LPGAT1: variants seen among roughly 807,000 people sequenced by gnomAD.
LPGAT1 encodes the protein lysophosphatidylglycerol acyltransferase 1, also known as acyl-CoA:lysophosphatidylglycerol acyltransferase 1.
A neutral mutation model predicts 47.5 loss-of-function variants in LPGAT1; 11 were observed. The ratio of observed to expected loss-of-function variants is 0.23; its 90% CI spans 0.15 to 0.38. LPGAT1 has a LOEUF of 0.38. Among genes scored for constraint, LPGAT1 ranks in the 10% least tolerant of loss-of-function variants. The pLI, the probability that LPGAT1 is intolerant of heterozygous loss-of-function variation, is 1.00. For missense variants in LPGAT1, 293 were observed against 439.0 expected (o/e 0.67, Z 2.97); for synonymous variants, 138 against 144.2 (o/e 0.96, Z 0.31).
At chr1:211,763,311 G>A (rs767899887) in intron 6 of LPGAT1, among the ~76,000 whole-genome samples, 15 of 152,162 alleles carry the variant, frequency 9.9e-5, no homozygotes, top group Non-Finnish European at 2.2e-4. Flanking sequence ...GGATTAATGA[G>A]TTATCAATGG....
chr1:211,759,798 C>T (rs12022627), intron 6 of LPGAT1, among the ~76,000 whole-genome samples: 4,651 of 152,244 alleles, frequency 0.031, 95 homozygotes, highest in South Asian at 0.11. Flanking sequence ...TTATGCTCTA[C>T]TGATAAACAG....
intron 4 of LPGAT1, among the ~76,000 whole-genome samples, chr1:211,784,576 A>G (rs1451671980): frequency 1.3e-5 from 2 of 151,990 alleles, no homozygotes; most frequent in African/African-American, 4.8e-5. Flanking sequence ...GAAGACTTGC[A>G]GTATTCCACA....
chr1:211,803,477 G>T (rs1004085299), intron 2 of LPGAT1, among the ~76,000 whole-genome samples: 1 of 152,154 alleles, frequency 6.6e-6, no homozygotes, highest in African/African-American at 2.4e-5. Flanking sequence ...AGATGAAATT[G>T]GCAGAGTAGC....
intron 2 of LPGAT1, among the ~76,000 whole-genome samples, chr1:211,804,962 A>T (rs146212276): frequency 0.019 from 2,872 of 152,338 alleles, 38 homozygotes; most frequent in Middle Eastern, 0.058. Context: ...GAAGACTTTT[A>T]AAAATGTTCT....
At chr1:211,753,318 G>C (rs1464117100) in intron 6 of LPGAT1, among the ~76,000 whole-genome samples, 3 of 152,048 alleles carry the variant, frequency 2.0e-5, no homozygotes, top group African/African-American at 7.2e-5. Flanking sequence ...CCTCGAACTT[G>C]GTTGATAGTT....
At chr1:211,789,958 C>T (rs1659042904) in intron 3 of LPGAT1, among the ~76,000 whole-genome samples, 1 of 151,904 alleles carries the variant, frequency 6.6e-6, no homozygotes, top group Non-Finnish European at 1.5e-5. Flanking sequence ...TAAACATAAG[C>T]TGCCTAAATC....
At chr1:211,780,310 G>C (rs1390516301) in intron 5 of LPGAT1, among the ~76,000 whole-genome samples, 2 of 152,210 alleles carry the variant, frequency 1.3e-5, no homozygotes, top group Non-Finnish European at 2.9e-5. Context: ...GGTGACTACT[G>C]TTGTAGAGAG....
In LPGAT1 at chr1:211,748,952, G is replaced by A. The variant is rs1290811781; in HGVS notation, c.*947C>T. 1 of 152,334 alleles carries A rather than the reference G, an allele frequency of 6.6e-6. No homozygotes were observed. The highest frequency in any genetic ancestry group is 1.5e-5 in the Non-Finnish European group (1 of 68,036). The allele number at this position is 152,334 out of a possible 1,614,324, so 9.4% of individuals were successfully genotyped here. On this transcript the variant is annotated 3_prime_UTR_variant, in exon 8 of 8. Coordinates refer to ENST00000366997, the MANE Select transcript of LPGAT1 (RefSeq NM_014873.3). ...TAATTTGTTTTAACCATCCCCAAAT[G>A]CATTTAGTGCCAATGTCAAAATGGA...
rs550860195 is a variant in LPGAT1, at chr1:211,819,095, T to C, written c.238+9964A>G. 4.6e-5 allele frequency among the ~76,000 whole-genome samples: 7 copies of C among 152,342 alleles called. No homozygotes were observed. The East Asian group carries it at 1.3e-3, about 29-fold the overall frequency. On this transcript the variant is annotated intron_variant, in intron 2 of 7. Coordinates refer to ENST00000366997, the MANE Select transcript of LPGAT1 (RefSeq NM_014873.3). ...TGTGTTGTACTTTTTGGTATGGACATAGCAGCATTATAGGCATGAATCTTC... is the reference window on the plus strand; with the variant it reads ...TGTGTTGTACTTTTTGGTATGGACACAGCAGCATTATAGGCATGAATCTTC...
intron 2 of LPGAT1, among the ~76,000 whole-genome samples, chr1:211,818,612 A>G (rs1305285673): frequency 6.6e-6 from 1 of 152,226 alleles, no homozygotes; most frequent in Non-Finnish European, 1.5e-5. Context: ...CTAAATACTC[A>G]GCAAACCCTA....
rs1335045980 is a variant in LPGAT1, at chr1:211,830,522, GC to G, written c.-28+50del. 8.3e-7 allele frequency: 1 copy of G among 1,201,708 alleles called. No individual in the cohort carries two copies. Among genetic ancestry groups the G allele is most frequent in the Admixed American group, 4.4e-5 (1 of 22,702 alleles). 74.4% of individuals were successfully genotyped at this position (1,201,708 alleles called of 1,614,324 possible). On this transcript the variant is annotated intron_variant, in intron 1 of 7. Coordinates refer to ENST00000366997, the MANE Select transcript of LPGAT1 (RefSeq NM_014873.3). This position sits in a 1 kb window ranked among gnomAD's most constrained non-coding sequence, Gnocchi z 5.9. The stretch of plus-strand genomic sequence containing the variant: ...TTCCCCGCCCCCAGCGCCTCCCCTG[GC>G]CCGGCTCCGCTGCCGCTCTGGGGCC...
intron 5 of LPGAT1, among the ~76,000 whole-genome samples, chr1:211,782,746 G>GA (rs1658693874): frequency 6.7e-6 from 1 of 149,972 alleles, no homozygotes; most frequent in Non-Finnish European, 1.5e-5. Flanking sequence ...AGAAAACCCA[G>GA]AAAAAAAACA....
At chr1:211,775,239 C>T (rs1330120676) in intron 6 of LPGAT1, among the ~76,000 whole-genome samples, 2 of 152,172 alleles carry the variant, frequency 1.3e-5, no homozygotes, top group African/African-American at 4.8e-5. Flanking sequence ...ATTGCTTGAA[C>T]CCGCAAGGCA....
intron 6 of LPGAT1, among the ~76,000 whole-genome samples, chr1:211,771,114 AC>A (rs1047520839): frequency 2.6e-5 from 4 of 151,816 alleles, no homozygotes; most frequent in African/African-American, 9.7e-5. Context: ...AAAAAAAAAA[AC>A]AACTTTTATA....
At chr1:211,820,386 G>C (rs1158480907) in intron 2 of LPGAT1, among the ~76,000 whole-genome samples, 1 of 151,938 alleles carries the variant, frequency 6.6e-6, no homozygotes, top group African/African-American at 2.4e-5. Flanking sequence ...CAATGGAGAA[G>C]ACAAAAATTA....
chr1:211,784,701 AG>A (rs1219282262), intron 4 of LPGAT1, among the ~76,000 whole-genome samples: 1 of 152,026 alleles, frequency 6.6e-6, no homozygotes, highest in Non-Finnish European at 1.5e-5. Flanking sequence ...CTTAGTTGAG[AG>A]GGAAAGAGAG....
chr1:211,746,005 A>G lies in LPGAT1; in HGVS notation c.*3894T>C, dbSNP rs1315341931. 6.5e-6 allele frequency: 1 copy of G among 152,672 alleles called. No individual in the cohort carries two copies. The highest frequency in any genetic ancestry group is 1.5e-5 in the Non-Finnish European group (1 of 68,042). 9.5% of individuals were successfully genotyped at this position (152,672 alleles called of 1,614,324 possible). A position where few individuals can be genotyped will look rare whatever the true frequency, so the allele number is the denominator to read the frequency against. ...TGTGTAATGACTTCAAAAAAAGAAC[A>G]AAGAAAACAATTAACTCTTCCTACT... On this transcript the variant is annotated 3_prime_UTR_variant, in exon 8 of 8. Transcript: ENST00000366997.
At chr1:211,784,508 GAAAA>G (rs1408233321) in intron 4 of LPGAT1, among the ~76,000 whole-genome samples, 1 of 140,788 alleles carries the variant, frequency 7.1e-6, no homozygotes, top group African/African-American at 2.6e-5. Flanking sequence ...AAAAAAAAAA[GAAAA>G]AAGAAAGAAA....
At chr1:211,797,842 A>G (rs1433078432) in intron 2 of LPGAT1, among the ~76,000 whole-genome samples, 1 of 152,234 alleles carries the variant, frequency 6.6e-6, no homozygotes, top group Non-Finnish European at 1.5e-5. Flanking sequence ...CACTATTTCC[A>G]AAGGGAAAAA....
Sources: allele counts gnomAD v4.1 joint callset (sites outside exome capture counted in the v4.1 genomes callset), GRCh38; gene constraint gnomAD v4.1.1; non-coding constraint Gnocchi (gnomAD v3.1); transcripts MANE v1.5; gene names NCBI Gene and HGNC (gene_info 2026-07-23, HGNC 2026-07-21).